Variants in C1GALT1 observed in about 807,000 individuals in gnomAD.
C1GALT1 encodes core 1 synthase, glycoprotein-N-acetylgalactosamine 3-beta-galactosyltransferase 1.
C1GALT1 carries 11 observed loss-of-function variants against 31.0 expected under a neutral mutation model. That is an observed-to-expected ratio of 0.36 (90% CI 0.22 to 0.59). C1GALT1 has a LOEUF of 0.59. C1GALT1 is among the 20% of genes least tolerant of loss of function. C1GALT1 has a pLI of 0.79. For synonymous variants in C1GALT1, 175 were observed against 143.6 expected (o/e 1.22, Z -1.56); for missense variants, 424 against 425.2 (o/e 1.00, Z 0.03).
At chr7:7,196,769 A>G (rs1047925923) in intron 1 of C1GALT1, among the ~76,000 whole-genome samples, 2 of 152,054 alleles carry the variant, frequency 1.3e-5, no homozygotes, top group Non-Finnish European at 2.9e-5. Context: ...ACTGGTGTGA[A>G]ATGGTATCTT....
At chr7:7,235,042 T>G (rs1180523905) in intron 2 of C1GALT1, 2 of 152,534 alleles carry the variant, frequency 1.3e-5, no homozygotes, top group Non-Finnish European at 2.9e-5. Context: ...TCTCCTAGCC[T>G]CCTACCTCTA....
chr7:7,176,191 T>C (rs11760845), intron 2 of C1GALT1, among the ~76,000 whole-genome samples: 18,396 of 152,044 alleles, frequency 0.12, 1,255 homozygotes, highest in African/African-American at 0.17. Context: ...TGGAAAAAGG[T>C]CGAGGAAGGA....
At chr7:7,228,834 C>T (rs569422764) in intron 1 of C1GALT1, among the ~76,000 whole-genome samples, 60 of 152,314 alleles carry the variant, frequency 3.9e-4, no homozygotes, top group Admixed American at 3.1e-3. Flanking sequence ...CTTACATTCA[C>T]TCCAGGATAG....
chr7:7,181,438 C>T (rs1780586022), upstream of C1GALT1, among the ~76,000 whole-genome samples: 1 of 152,172 alleles, frequency 6.6e-6, no homozygotes. Flanking sequence ...GTTTATCTTT[C>T]TGGCCTTAGT....
chr7:7,241,057 G>T (rs768920295), intron 3 of C1GALT1, among the ~76,000 whole-genome samples: 1 of 151,506 alleles, frequency 6.6e-6, no homozygotes, highest in Non-Finnish European at 1.5e-5. Flanking sequence ...AGAAGTTGCA[G>T]TGAGTCTTAA....
chr7:7,204,538 G>A (rs1781655913), intron 1 of C1GALT1, among the ~76,000 whole-genome samples: 1 of 151,642 alleles, frequency 6.6e-6, no homozygotes, highest in Non-Finnish European at 1.5e-5. Flanking sequence ...TTTCCATGTT[G>A]CTTTCCTGTT....
intron 1 of C1GALT1, among the ~76,000 whole-genome samples, chr7:7,192,456 G>A (rs572220783): frequency 1.8e-4 from 27 of 152,224 alleles, no homozygotes; most frequent in African/African-American, 6.5e-4. Flanking sequence ...CCAGGTTGCT[G>A]TGAATGCCAT....
chr7:7,234,742 A>G (rs1286947018), intron 2 of C1GALT1: 9 of 488,364 alleles, frequency 1.8e-5, no homozygotes, highest in Non-Finnish European at 2.9e-5. Flanking sequence ...GTTTTTAAGT[A>G]GAAATAGTTC....
At chr7:7,219,085 G>A (rs1429879915) in intron 1 of C1GALT1, among the ~76,000 whole-genome samples, 4 of 152,064 alleles carry the variant, frequency 2.6e-5, no homozygotes, top group African/African-American at 4.8e-5. Flanking sequence ...TGATCCGCCC[G>A]CCTCGGCCTC....
intron 1 of C1GALT1, among the ~76,000 whole-genome samples, chr7:7,203,133 A>G (rs1334959372): frequency 6.9e-6 from 1 of 144,816 alleles, no homozygotes; most frequent in Non-Finnish European, 1.5e-5. Context: ...CCCTGCATAT[A>G]AGATCATATC....
intron 3 of C1GALT1, among the ~76,000 whole-genome samples, 162 bp from the exon 4 acceptor site, chr7:7,243,362 T>C (rs552961408): frequency 3.2e-4 from 48 of 152,260 alleles, no homozygotes; most frequent in African/African-American, 1.1e-3. Context: ...AAGTAAACTA[T>C]TGATTTCTTC....
At chr7:7,178,554 G>A (rs183378353), upstream of C1GALT1, among the ~76,000 whole-genome samples, 234 of 152,270 alleles carry the variant, frequency 1.5e-3, 2 homozygotes, top group Middle Eastern at 0.01. Flanking sequence ...CAAGGATTCC[G>A]TTGTTCTATT....
In C1GALT1 at chr7:7,243,991, T is replaced by C. The variant is rs1391204032; in HGVS notation, c.*264T>C. 1 of 227,730 alleles carries C rather than the reference T, an allele frequency of 4.4e-6. No homozygotes were observed. Among genetic ancestry groups the C allele is most frequent in the East Asian group, 1.0e-4 (1 of 9,898 alleles). The allele number at this position is 227,730 out of a possible 1,614,324, so 14.1% of individuals were successfully genotyped here. ...TTAAATGGTGGCCAGGTAGAGGAAC[T>C]AGAAAAGAGATTTTGTTGCCTGTTT... On this transcript the variant is annotated 3_prime_UTR_variant, in exon 4 of 4. Transcript: ENST00000436587.
intron 2 of C1GALT1, among the ~76,000 whole-genome samples, chr7:7,166,949 T>A: frequency 6.6e-6 from 1 of 152,196 alleles, no homozygotes; most frequent in East Asian, 1.9e-4. Flanking sequence ...AACACATCAA[T>A]CTTACTTCAA....
chr7:7,222,120 A>G (rs2024122), intron 1 of C1GALT1, among the ~76,000 whole-genome samples: 114,339 of 152,070 alleles, frequency 0.75, 44,212 homozygotes, highest in East Asian at 0.94. Flanking sequence ...TGACACAAGC[A>G]CCTCATCTTA....
At chr7:7,211,299 AC>A (rs755547057) in intron 1 of C1GALT1, among the ~76,000 whole-genome samples, 8 of 152,106 alleles carry the variant, frequency 5.3e-5, no homozygotes, top group Non-Finnish European at 8.8e-5. Context: ...ATTTGTAGCC[AC>A]CCGGGGCTGA....
At chr7:7,220,684 G>A (rs775866381) in intron 1 of C1GALT1, among the ~76,000 whole-genome samples, 17 of 151,584 alleles carry the variant, frequency 1.1e-4, no homozygotes, top group Non-Finnish European at 1.0e-4. Context: ...ACCACGCCCA[G>A]CTGATTTTTG....
chr7:7,159,468 G>C (rs1323520245), intron 2 of C1GALT1, among the ~76,000 whole-genome samples: 1 of 152,038 alleles, frequency 6.6e-6, no homozygotes, highest in Admixed American at 6.6e-5. Flanking sequence ...AACAGAAATA[G>C]AAATGCAAAG....
intron 1 of C1GALT1, among the ~76,000 whole-genome samples, chr7:7,211,650 A>T (rs988475388): frequency 6.6e-6 from 1 of 152,228 alleles, no homozygotes; most frequent in African/African-American, 2.4e-5. Flanking sequence ...ACTTGCCAAG[A>T]TAATTTCCCT....
Sources: gnomAD v4.1 joint callset for allele counts (sites outside exome capture counted in the v4.1 genomes callset) on GRCh38, gnomAD v4.1.1 for gene constraint, MANE v1.5 for transcripts, NCBI Gene and HGNC (gene_info 2026-07-23, HGNC 2026-07-21) for gene names.